Variants in SH3D19 observed in about 807,000 individuals in gnomAD.
SH3D19 encodes the protein SH3 domain-containing protein 19.
In SH3D19, 58 loss-of-function variants were observed where a neutral mutation model predicts 112.1. The observed-to-expected ratio is 0.52, with a 90% CI of 0.42 to 0.64. The LOEUF (loss-of-function observed/expected upper bound fraction) is 0.64, where lower values mean the gene tolerates loss of function less well. SH3D19 is among the 30% of genes least tolerant of loss of function. The probability of loss-of-function intolerance (pLI) is 0.00; values close to 1 mark genes in which losing one functional copy is unlikely to be tolerated. For synonymous variants in SH3D19, 391 were observed against 448.5 expected (o/e 0.87, Z 1.62); for missense variants, 1,090 against 1,263.4 (o/e 0.86, Z 2.08).
At position 151,121,743 on chromosome 4, in the gene SH3D19, C is replaced by T. The variant is rs1328641043; in HGVS notation, c.*348G>A. On this transcript the variant is annotated 3_prime_UTR_variant, in exon 20 of 20. Coordinates refer to ENST00000604030, the MANE Select transcript of SH3D19 (RefSeq NM_001378122.1). The stretch of plus-strand genomic sequence containing the variant: ...TAACTAAAGTAAAAAAATGAAGAAG[C>T]ATGGTTAATTCACTTGTGCTGATTA... The T allele has an allele frequency of 1.2e-5, 2 of 172,110 alleles. No homozygotes were observed. Among genetic ancestry groups the T allele is most frequent in the African/African-American group, 4.7e-5 (2 of 42,376 alleles). The allele number at this position is 172,110 out of a possible 1,614,324, so 10.7% of individuals were successfully genotyped here. A position where few individuals can be genotyped will look rare whatever the true frequency, so the allele number is the denominator to read the frequency against.
intron 2 of SH3D19, among the ~76,000 whole-genome samples, chr4:151,215,895 G>A (rs974094070): frequency 2.6e-5 from 4 of 151,506 alleles, no homozygotes; most frequent in South Asian, 2.1e-4. Flanking sequence ...GCGTACTCTC[G>A]GCTCACTGCA....
intron 1 of SH3D19, among the ~76,000 whole-genome samples, chr4:151,287,175 T>C (rs979006343): frequency 6.6e-6 from 1 of 151,350 alleles, no homozygotes; most frequent in Admixed American, 6.6e-5. Context: ...TCCTTGTCTC[T>C]ATTAAAAATA....
At chr4:151,194,306 C>A (rs1362045829) in intron 2 of SH3D19, among the ~76,000 whole-genome samples, 1 of 151,800 alleles carries the variant, frequency 6.6e-6, no homozygotes, top group Non-Finnish European at 1.5e-5. Flanking sequence ...GGATTACAGG[C>A]ATGAGCCACC....
At chr4:151,257,088 T>C (rs1194960983) in intron 1 of SH3D19, among the ~76,000 whole-genome samples, 4 of 151,912 alleles carry the variant, frequency 2.6e-5, no homozygotes, top group Admixed American at 2.0e-4. Context: ...TATTTGTTTG[T>C]TTGTTTATTT....
chr4:151,299,136 A>G (rs2126317963), intron 1 of SH3D19, among the ~76,000 whole-genome samples: 1 of 152,372 alleles, frequency 6.6e-6, no homozygotes, highest in South Asian at 2.1e-4. Flanking sequence ...TATGGTTGCA[A>G]CTACTGCAAA....
chr4:151,245,124 A>C (rs1045254274), intron 1 of SH3D19, among the ~76,000 whole-genome samples: 1 of 151,356 alleles, frequency 6.6e-6, no homozygotes, highest in Non-Finnish European at 1.5e-5. Context: ...AGCCTGGGCA[A>C]CAGAGCAAAA....
At chr4:151,129,734 C>T (rs541707783) in intron 17 of SH3D19, among the ~76,000 whole-genome samples, 5 of 152,286 alleles carry the variant, frequency 3.3e-5, no homozygotes, top group Admixed American at 2.0e-4. Context: ...TTCTTAACTT[C>T]GTGACACTGG....
intron 1 of SH3D19, chr4:151,291,452 A>G: frequency 6.3e-7 from 1 of 1,585,238 alleles, no homozygotes; most frequent in Non-Finnish European, 8.6e-7. Context: ...AGGGGCAGAT[A>G]ACTCACAGGA....
chr4:151,191,451 T>C (rs1369778474), intron 2 of SH3D19, among the ~76,000 whole-genome samples: 1 of 152,164 alleles, frequency 6.6e-6, no homozygotes, highest in Admixed American at 6.5e-5. Flanking sequence ...ACAATTCTCA[T>C]GTGTCATGGG....
chr4:151,307,216 G>T (rs1465101670), intron 1 of SH3D19, among the ~76,000 whole-genome samples: 1 of 151,674 alleles, frequency 6.6e-6, no homozygotes, highest in Non-Finnish European at 1.5e-5. Flanking sequence ...TAGAGACGGG[G>T]TTTCACCGTT....
At chr4:151,221,159 G>A (rs774203448) in intron 2 of SH3D19, among the ~76,000 whole-genome samples, 1 of 152,128 alleles carries the variant, frequency 6.6e-6, no homozygotes. Flanking sequence ...ACAGGCAGAC[G>A]TCCCAGATTT....
chr4:151,313,257 G>A (rs1729655872), intron 1 of SH3D19, among the ~76,000 whole-genome samples: 1 of 151,998 alleles, frequency 6.6e-6, no homozygotes, highest in African/African-American at 2.4e-5. Flanking sequence ...ACGTTATAAA[G>A]TTGAATACCT....
chr4:151,183,549 T>C (rs1395407940), intron 3 of SH3D19, among the ~76,000 whole-genome samples: 1 of 152,194 alleles, frequency 6.6e-6, no homozygotes, highest in Non-Finnish European at 1.5e-5. Flanking sequence ...AGTTTGTTTC[T>C]TGAAGCAGTT....
At chr4:151,252,570 C>G (rs1771501553) in intron 1 of SH3D19, among the ~76,000 whole-genome samples, 1 of 152,136 alleles carries the variant, frequency 6.6e-6, no homozygotes, top group Non-Finnish European at 1.5e-5. Flanking sequence ...TATTTATACT[C>G]ACTCCATAGG....
chr4:151,169,336 G>C, intron 7 of SH3D19, among the ~76,000 whole-genome samples: 1 of 152,132 alleles, frequency 6.6e-6, no homozygotes, highest in Non-Finnish European at 1.5e-5. Flanking sequence ...GGAAGTCTTC[G>C]TGTTCCACCA....
chr4:151,271,184 C>T (rs1395841539), intron 1 of SH3D19, among the ~76,000 whole-genome samples: 3 of 152,124 alleles, frequency 2.0e-5, no homozygotes, highest in Non-Finnish European at 4.4e-5. Flanking sequence ...CTTTGACCCC[C>T]CAAAGGCCTA....
At chr4:151,139,307 T>C (rs994072433) in intron 13 of SH3D19, among the ~76,000 whole-genome samples, 4 of 151,732 alleles carry the variant, frequency 2.6e-5, no homozygotes, top group Admixed American at 2.6e-4. Flanking sequence ...CGCCCGCCAC[T>C]ACGCCCGGCT....
intron 9 of SH3D19, among the ~76,000 whole-genome samples, chr4:151,158,121 G>C (rs1280728533): frequency 1.3e-5 from 2 of 152,112 alleles, no homozygotes; most frequent in African/African-American, 4.8e-5. Context: ...AAAAATGTTT[G>C]AGATGACAGA....
At chr4:151,181,921 A>T (rs1761001778) in intron 3 of SH3D19, among the ~76,000 whole-genome samples, 1 of 152,138 alleles carries the variant, frequency 6.6e-6, no homozygotes, top group East Asian at 1.9e-4. Context: ...ATACTGCCGC[A>T]AAGATTTGTC....
Sources: gnomAD v4.1 joint callset for allele counts (sites outside exome capture counted in the v4.1 genomes callset) on GRCh38, gnomAD v4.1.1 for gene constraint, MANE v1.5 for transcripts, NCBI Gene and HGNC (gene_info 2026-07-23, HGNC 2026-07-21) for gene names.